Variants in SYCP2L observed in about 807,000 individuals in gnomAD.
SYCP2L encodes the protein synaptonemal complex protein 2-like.
SYCP2L carries 98 observed loss-of-function variants against 125.8 expected under a neutral mutation model. The ratio of observed to expected loss-of-function variants is 0.78; its 90% confidence interval spans 0.66 to 0.92. The LOEUF is 0.92. Ranked by LOEUF, SYCP2L falls within the 40% of genes least tolerant of loss-of-function variation. The pLI, the probability that SYCP2L is intolerant of heterozygous loss-of-function variation, is 0.00. For synonymous variants in SYCP2L, 317 were observed against 325.4 expected (o/e 0.97, Z 0.28); for missense variants, 842 against 936.4 (o/e 0.90, Z 1.32).
At chr6:10,895,292 G>T (rs937725376) in intron 4 of SYCP2L, among the ~76,000 whole-genome samples, 10 of 152,156 alleles carry the variant, frequency 6.6e-5, no homozygotes, top group African/African-American at 2.4e-4. Context: ...CTGCGCAGAG[G>T]GGTACCTCCT....
chr6:10,934,953 C>A (rs1294828503), intron 20 of SYCP2L, 105 bp from the exon 21 acceptor site: 2 of 1,078,358 alleles, frequency 1.9e-6, no homozygotes, highest in Non-Finnish European at 2.6e-6. Flanking sequence ...TGGAGTAAAT[C>A]TAATACTTAA....
At chr6:10,902,801 G>T (rs770957451) in intron 7 of SYCP2L, 39 bp downstream of exon 7, 1 of 1,611,816 alleles carries the variant, frequency 6.2e-7, no homozygotes, top group Admixed American at 1.7e-5. Context: ...AGTGGTTCCA[G>T]AAACCTAAAA....
intron 5 of SYCP2L, 26 bp downstream of exon 5, chr6:10,898,141 G>T: frequency 6.8e-7 from 1 of 1,471,646 alleles, no homozygotes; most frequent in South Asian, 1.1e-5. Flanking sequence ...ATGCTTCACT[G>T]AGCAGATGCC....
intron 23 of SYCP2L, among the ~76,000 whole-genome samples, chr6:10,953,715 A>G (rs1246055712): frequency 6.6e-6 from 1 of 152,216 alleles, no homozygotes; most frequent in Non-Finnish European, 1.5e-5. Flanking sequence ...TAGTGAAGAA[A>G]AAAAATGCCT....
At chr6:10,891,375 AG>A in intron 1 of SYCP2L, 137 bp from the exon 2 acceptor site, 1 of 669,736 alleles carries the variant, frequency 1.5e-6, no homozygotes, top group Non-Finnish European at 2.5e-6. Flanking sequence ...CTATAATATG[AG>A]CAAACAAAAA....
At chr6:10,941,864 T>C (rs1477654252) in intron 21 of SYCP2L, among the ~76,000 whole-genome samples, 2 of 152,158 alleles carry the variant, frequency 1.3e-5, no homozygotes, top group African/African-American at 4.8e-5. Flanking sequence ...GGTATATTTA[T>C]TGTGGCACTA....
chr6:10,888,044 C>T (rs969472820), intron 1 of SYCP2L, among the ~76,000 whole-genome samples: 4 of 145,052 alleles, frequency 2.8e-5, no homozygotes, highest in African/African-American at 1.0e-4. Context: ...TCACTCCAAT[C>T]CTTCCATATA....
intron 20 of SYCP2L, among the ~76,000 whole-genome samples, chr6:10,933,467 A>G (rs1744289654): frequency 6.6e-6 from 1 of 152,196 alleles, no homozygotes. Context: ...TGAAACATAG[A>G]TTGCTGGGTC....
chr6:10,910,118 T>A (rs747646737), intron 10 of SYCP2L, 30 bp from the exon 11 acceptor site: 190 of 1,597,848 alleles, frequency 1.2e-4, no homozygotes, highest in Admixed American at 2.5e-4. Context: ...GATTTTTTTT[T>A]AATAAAAGTT....
chr6:10,926,233 C>T, intron 15 of SYCP2L, 106 bp from the exon 16 acceptor site: 1 of 823,652 alleles, frequency 1.2e-6, no homozygotes. Flanking sequence ...ACTTGACTAA[C>T]TTCTGATTTA....
intron 23 of SYCP2L, among the ~76,000 whole-genome samples, chr6:10,951,388 A>T (rs1781406991): frequency 6.6e-6 from 1 of 152,226 alleles, no homozygotes; most frequent in South Asian, 2.1e-4. Context: ...GTGCCACTGC[A>T]TTCCAGCCTG....
chr6:10,952,935 C>G (rs1781437351), intron 23 of SYCP2L, among the ~76,000 whole-genome samples: 1 of 152,142 alleles, frequency 6.6e-6, no homozygotes, highest in Non-Finnish European at 1.5e-5. Context: ...TATAAGATGC[C>G]TCTCACAGAT....
chr6:10,937,979 G>A (rs1227988613), intron 21 of SYCP2L, among the ~76,000 whole-genome samples: 1 of 152,120 alleles, frequency 6.6e-6, no homozygotes, highest in Non-Finnish European at 1.5e-5. Flanking sequence ...ACTCTACCAA[G>A]TATTTAAAGA....
chr6:10,900,798 A>G (rs1250823819), intron 6 of SYCP2L, among the ~76,000 whole-genome samples: 1 of 152,228 alleles, frequency 6.6e-6, no homozygotes, highest in Admixed American at 6.5e-5. Context: ...GGGGGGACAC[A>G]GTCCCATCTA....
intron 21 of SYCP2L, among the ~76,000 whole-genome samples, chr6:10,939,908 A>G (rs1781182978): frequency 6.6e-6 from 1 of 151,880 alleles, no homozygotes; most frequent in Non-Finnish European, 1.5e-5. Context: ...TGGAAAGACA[A>G]CCTAAAGAAT....
chr6:10,958,802 C>T lies in SYCP2L; in HGVS notation c.2182C>T (p.Pro728Ser), dbSNP rs1323540997. ...RKYELRYRKR[P>S]FNSENAKKAP... ...GATTTAGCTTAGGTACAGAAAGCGT[C>T]CGTTTAATTCAGAAAATGCAAAGAA... Residue 728 changes from proline to serine, a missense_variant, in exon 26 of 30, where the codon CCG becomes TCG. By Grantham distance (74) the Pro-to-Ser change is moderately conservative. Coordinates refer to ENST00000283141, the MANE Select transcript of SYCP2L (RefSeq NM_001040274.3). 3.7e-6 allele frequency: 6 copies of T among 1,613,374 alleles called. No individual in the cohort carries two copies. Among genetic ancestry groups the T allele is most frequent in the Non-Finnish European group, 5.1e-6 (6 of 1,179,782 alleles).
intron 21 of SYCP2L, among the ~76,000 whole-genome samples, chr6:10,935,895 A>G (rs990166155): frequency 2.0e-5 from 3 of 152,154 alleles, no homozygotes; most frequent in African/African-American, 7.2e-5. Flanking sequence ...GTCTTTCCAT[A>G]AAACTTTATT....
intron 14 of SYCP2L, chr6:10,922,586 A>T (rs917401524): frequency 5.3e-5 from 8 of 151,242 alleles, no homozygotes; most frequent in Admixed American, 3.3e-4. Context: ...CTGCCTCAAC[A>T]TCCCGAGTAG....
At chr6:10,899,531 G>A (rs916309782) in intron 6 of SYCP2L, among the ~76,000 whole-genome samples, 1 of 152,168 alleles carries the variant, frequency 6.6e-6, no homozygotes, top group Non-Finnish European at 1.5e-5. Context: ...CTGGGTGACA[G>A]CGTGATCCTG....
Sources: gnomAD v4.1 joint callset for allele counts (sites outside exome capture counted in the v4.1 genomes callset) on GRCh38, gnomAD v4.1.1 for gene constraint, MANE v1.5 for transcripts, NCBI Gene and HGNC (gene_info 2026-07-23, HGNC 2026-07-21) for gene names.